Variants in PEBP4 observed in about 807,000 individuals in gnomAD.
PEBP4 encodes phosphatidylethanolamine-binding protein 4.
PEBP4 carries 22 observed loss-of-function variants against 23.9 expected under a neutral mutation model. The observed-to-expected ratio is 0.92, with a 90% CI of 0.66 to 1.31. The LOEUF is 1.31. Among genes scored for constraint, PEBP4 ranks in the 40% most tolerant of loss-of-function variants. The probability of loss-of-function intolerance (pLI) is 0.00; values close to 1 mark genes in which losing one functional copy is unlikely to be tolerated. For missense variants in PEBP4, 324 were observed against 281.7 expected, an observed-to-expected ratio of 1.15 and a Z score of -1.07; for synonymous variants, 112 against 99.3, an observed-to-expected ratio of 1.13 and a Z score of -0.76.
At chr8:22,791,309 CA>C (rs1175483725) in intron 4 of PEBP4, among the ~76,000 whole-genome samples, 1 of 152,166 alleles carries the variant, frequency 6.6e-6, no homozygotes. Context: ...TCCTCACCCG[CA>C]AATGGTAGAG....
At chr8:22,921,284 T>C (rs1290215544) in intron 2 of PEBP4, among the ~76,000 whole-genome samples, 1 of 151,906 alleles carries the variant, frequency 6.6e-6, no homozygotes, top group African/African-American at 2.4e-5. Context: ...GGGTAGAGAG[T>C]GGGTGTTGCA....
At chr8:22,937,126 A>G (rs1809552217) in intron 1 of PEBP4, among the ~76,000 whole-genome samples, 1 of 152,246 alleles carries the variant, frequency 6.6e-6, no homozygotes, top group Non-Finnish European at 1.5e-5. Context: ...AATAAAAGGC[A>G]TCCAAATTAG....
At chr8:22,724,706 G>A in intron 6 of PEBP4, 137 bp downstream of exon 6, 1 of 668,002 alleles carries the variant, frequency 1.5e-6, no homozygotes, top group South Asian at 1.8e-5. Flanking sequence ...TCACTCCCAA[G>A]AAACACCAGC....
intron 4 of PEBP4, among the ~76,000 whole-genome samples, chr8:22,785,386 G>T (rs1806007222): frequency 6.6e-6 from 1 of 152,038 alleles, no homozygotes; most frequent in Non-Finnish European, 1.5e-5. Context: ...ATTTCCTGCC[G>T]AGTGCCCAGG....
intron 3 of PEBP4, among the ~76,000 whole-genome samples, chr8:22,838,728 C>T (rs1807261548): frequency 6.6e-6 from 1 of 152,278 alleles, no homozygotes; most frequent in Non-Finnish European, 1.5e-5. Context: ...GTGGCTCGGC[C>T]CCCTCTGCTC....
At chr8:22,734,385 C>A (rs148462190) in intron 4 of PEBP4, among the ~76,000 whole-genome samples, 1 of 152,176 alleles carries the variant, frequency 6.6e-6, no homozygotes, top group African/African-American at 2.4e-5. Flanking sequence ...AAGAAGGAGG[C>A]GCAGATCTGA....
In PEBP4 at chr8:22,739,867, C is replaced by T. The variant is rs897116884; in HGVS notation, c.358-12647G>A. On this transcript the variant is annotated intron_variant, in intron 4 of 6. Transcript: ENST00000256404. ...ATGTGCCACCTATGAGATGAGGTGT[C>T]CTTGGGAACCCAGGCCACAAAGGCT... Among the ~76,000 whole-genome samples the T allele has an allele frequency of 2.0e-5, 3 of 152,182 alleles. No individual in the cohort carries two copies. In the East Asian group the frequency reaches 5.8e-4, roughly 29 times the overall value.
At chr8:22,857,375 AG>A (rs1184407499) in intron 3 of PEBP4, among the ~76,000 whole-genome samples, 1 of 152,216 alleles carries the variant, frequency 6.6e-6, no homozygotes, top group Non-Finnish European at 1.5e-5. Flanking sequence ...CCCTTCTCTC[AG>A]CCTCTTGCTC....
rs530030201 is a variant in PEBP4 at position 22,871,580 on chromosome 8, G to A, written c.258+48604C>T. On this transcript the variant is annotated intron_variant, in intron 3 of 6. Coordinates refer to ENST00000256404, the MANE Select transcript of PEBP4 (RefSeq NM_144962.3). ...TTTTTTTTTTTTTTTTTTTAAGACC[G>A]AGTCTCACTCTGTTGCCAGACTGGA... 4.5e-4 allele frequency among the ~76,000 whole-genome samples: 54 copies of A among 119,390 alleles called. 1 individual carries two copies. The highest frequency in any genetic ancestry group is 1.7e-3 in the African/African-American group (52 of 30,272). 78.3% of individuals were successfully genotyped at this position (119,390 alleles called of 152,430 possible).
chr8:22,805,969 C>T (rs1806486769), intron 4 of PEBP4, among the ~76,000 whole-genome samples: 1 of 152,122 alleles, frequency 6.6e-6, no homozygotes, highest in Non-Finnish European at 1.5e-5. Context: ...GAAACCTTTA[C>T]TTTTATTGAT....
chr8:22,768,155 G>A (rs1396061185), intron 4 of PEBP4, among the ~76,000 whole-genome samples: 1 of 152,242 alleles, frequency 6.6e-6, no homozygotes, highest in Admixed American at 6.5e-5. Context: ...ACAGTGGGGT[G>A]TTGGCATTAA....
At chr8:22,901,255 C>T (rs1808704142) in intron 3 of PEBP4, among the ~76,000 whole-genome samples, 1 of 152,128 alleles carries the variant, frequency 6.6e-6, no homozygotes, top group South Asian at 2.1e-4. Context: ...TTGTAGGCAG[C>T]AAGAGGGAAG....
At chr8:22,935,682 A>G (rs1199089207) in intron 1 of PEBP4, among the ~76,000 whole-genome samples, 1 of 152,212 alleles carries the variant, frequency 6.6e-6, no homozygotes, top group East Asian at 1.9e-4. Flanking sequence ...TATGCACAAC[A>G]TTATTAATAA....
At chr8:22,828,058 T>C (rs547143641) in intron 3 of PEBP4, among the ~76,000 whole-genome samples, 19 of 152,332 alleles carry the variant, frequency 1.2e-4, no homozygotes, top group Admixed American at 3.9e-4. Context: ...CATTTAAAAA[T>C]TGGATTATTT....
chr8:22,799,807 G>C (rs1468085591), intron 4 of PEBP4, among the ~76,000 whole-genome samples: 18 of 152,130 alleles, frequency 1.2e-4, no homozygotes. Context: ...CGCGGTGTAA[G>C]GATCTAGAAG....
At chr8:22,764,529 C>T (rs1377443016) in intron 4 of PEBP4, among the ~76,000 whole-genome samples, 1 of 152,158 alleles carries the variant, frequency 6.6e-6, no homozygotes, top group African/African-American at 2.4e-5. Flanking sequence ...TGCCCAATGC[C>T]CTGTGCTTTG....
chr8:22,810,669 GGTGTGTGTGTGTGTGTGTGTGT>G (rs60078589), intron 4 of PEBP4, among the ~76,000 whole-genome samples: 5 of 129,200 alleles, frequency 3.9e-5, no homozygotes, highest in African/African-American at 9.0e-5. Context: ...CTCATGGAGG[GGTGTGTGTGTGTGTGTGTGTGT>G]GTGTGTGTGT....
At chr8:22,799,859 T>A (rs1393184948) in intron 4 of PEBP4, among the ~76,000 whole-genome samples, 1 of 152,192 alleles carries the variant, frequency 6.6e-6, no homozygotes, top group African/African-American at 2.4e-5. Flanking sequence ...ACTGGGTATA[T>A]ACTGAAAGGA....
intron 3 of PEBP4, among the ~76,000 whole-genome samples, chr8:22,855,124 C>A (rs1033206152): frequency 6.6e-6 from 1 of 151,546 alleles, no homozygotes; most frequent in Non-Finnish European, 1.5e-5. Flanking sequence ...ACCAGTCTTA[C>A]AGTCAGTGTT....
Sources: gnomAD v4.1 joint callset for allele counts (sites outside exome capture counted in the v4.1 genomes callset) on GRCh38, gnomAD v4.1.1 for gene constraint, MANE v1.5 for transcripts, NCBI Gene and HGNC (gene_info 2026-07-23, HGNC 2026-07-21) for gene names.